FASTKD1: variants seen among roughly 807,000 people sequenced by gnomAD.
FASTKD1 encodes FAST kinase domains 1.
In FASTKD1, 94 loss-of-function variants were observed where a neutral mutation model predicts 90.9. The observed-to-expected ratio is 1.03, with a 90% confidence interval of 0.88 to 1.23. FASTKD1 has a LOEUF of 1.23. FASTKD1 is among the 50% of genes most tolerant of loss of function. The pLI is 0.00. For synonymous variants in FASTKD1, 319 were observed against 345.8 expected (o/e 0.92, Z 0.86); for missense variants, 945 against 993.5 (o/e 0.95, Z 0.66).
chr2:169,530,495 G>T, intron 14 of FASTKD1, 92 bp downstream of exon 14: 1 of 706,906 alleles, frequency 1.4e-6, no homozygotes, highest in Non-Finnish European at 2.4e-6. Context: ...TATTTAAAAA[G>T]GTAATTCTGG....
chr2:169,537,754 A>T (rs1320521814), intron 11 of FASTKD1, among the ~76,000 whole-genome samples: 1 of 152,156 alleles, frequency 6.6e-6, no homozygotes, highest in Admixed American at 6.5e-5. Flanking sequence ...TAATTTCAAT[A>T]AGAGCTTCAA....
At chr2:169,565,249 C>CTT (rs71003101) in intron 3 of FASTKD1, among the ~76,000 whole-genome samples, 1,216 of 26,564 alleles carry the variant, frequency 0.046, 433 homozygotes, top group Non-Finnish European at 0.072. Flanking sequence ...CCACACCAGG[C>CTT]TTTTTTTTTT....
intron 12 of FASTKD1, among the ~76,000 whole-genome samples, chr2:169,535,061 T>C (rs1050477011): frequency 4.4e-4 from 67 of 152,226 alleles, no homozygotes; most frequent in African/African-American, 1.6e-3. Context: ...TCTCACTATA[T>C]TGCCCAGGCT....
chr2:169,531,947 A>T (rs938384297), intron 12 of FASTKD1, among the ~76,000 whole-genome samples: 3 of 152,232 alleles, frequency 2.0e-5, no homozygotes, highest in Non-Finnish European at 2.9e-5. Context: ...CAGCTAATAA[A>T]TGTAGAAGGC....
intron 7 of FASTKD1, among the ~76,000 whole-genome samples, chr2:169,549,685 T>G (rs1338409955): frequency 1.3e-5 from 2 of 152,142 alleles, no homozygotes; most frequent in Non-Finnish European, 2.9e-5. Flanking sequence ...CAGGCTGGTC[T>G]TGAACTCCTG....
intron 9 of FASTKD1, among the ~76,000 whole-genome samples, chr2:169,543,394 C>T (rs1293877887): frequency 2.0e-5 from 3 of 151,916 alleles, no homozygotes; most frequent in Admixed American, 6.6e-5. Context: ...ACCTGGGAGG[C>T]GGAGGTTGCA....
intron 9 of FASTKD1, among the ~76,000 whole-genome samples, chr2:169,540,910 A>G (rs1002453135): frequency 3.3e-5 from 5 of 152,230 alleles, no homozygotes; most frequent in Admixed American, 2.0e-4. Flanking sequence ...AGCATGGCAG[A>G]TGCCCCACAG....
chr2:169,536,191 C>A lies in FASTKD1; in HGVS notation c.2188+1036G>T, dbSNP rs369900686. On this transcript the variant is annotated intron_variant, in intron 12 of 14. Transcript: ENST00000453153. ...GTGTTAAATGCTTTACATGCAATAT[C>A]TCAGTTAATCCTATCAAGTAGGCAT... Among the ~76,000 whole-genome samples, 19 of 152,270 alleles carry A rather than the reference C, an allele frequency of 1.2e-4. No individual in the cohort carries two copies. In the East Asian group the frequency reaches 3.7e-3, roughly 29 times the overall value.
chr2:169,562,577 G>A (rs1310941587), intron 4 of FASTKD1, among the ~76,000 whole-genome samples: 3 of 152,024 alleles, frequency 2.0e-5, no homozygotes, highest in Non-Finnish European at 2.9e-5. Flanking sequence ...TTTACTTCAT[G>A]ATATAATAAT....
chr2:169,530,094 T>C (rs553321061), intron 14 of FASTKD1, among the ~76,000 whole-genome samples, 168 bp from the exon 15 acceptor site: 2 of 152,244 alleles, frequency 1.3e-5, no homozygotes, highest in East Asian at 3.9e-4. Flanking sequence ...CTTCTGACAT[T>C]GCCTAGAATA....
At chr2:169,536,723 A>T (rs1315900976) in intron 12 of FASTKD1, among the ~76,000 whole-genome samples, 1 of 152,220 alleles carries the variant, frequency 6.6e-6, no homozygotes, top group African/African-American at 2.4e-5. Flanking sequence ...TATGTGATCC[A>T]CAATTCAATC....
In FASTKD1 at chr2:169,528,756, T is replaced by A. The variant is rs189955141; in HGVS notation, c.*1069A>T. 6.6e-6 allele frequency among the ~76,000 whole-genome samples: 1 copy of A among 152,156 alleles called. No homozygotes were observed. The highest frequency in any genetic ancestry group is 2.4e-5 in the African/African-American group (1 of 41,426). ...TTCATGTTGCTAAATTTAATAGCCA[T>A]TTCCCATTTGTCATCTTTCCTGACC... On this transcript the variant is annotated 3_prime_UTR_variant, in exon 15 of 15. Transcript: ENST00000453153.
In FASTKD1 at chr2:169,529,429, T is replaced by C. The variant is rs1684383263; in HGVS notation, c.*396A>G. 6.6e-6 allele frequency among the ~76,000 whole-genome samples: 1 copy of C among 152,248 alleles called. No individual in the cohort carries two copies. The highest frequency in any genetic ancestry group is 2.4e-5 in the African/African-American group (1 of 41,468). On this transcript the variant is annotated 3_prime_UTR_variant, in exon 15 of 15. Coordinates refer to ENST00000453153, the MANE Select transcript of FASTKD1 (RefSeq NM_024622.6). ...ACTCTCTCCAAGCCACCATCCATTG[T>C]TGTCTGGATTATTGCAATGACCTCG...
chr2:169,537,235 T>A lies in FASTKD1; in HGVS notation c.2180A>T (p.His727Leu), dbSNP rs1559139480. The A allele has an allele frequency of 2.5e-6, 4 of 1,593,034 alleles. No individual in the cohort carries two copies. Among genetic ancestry groups the A allele is most frequent in the African/African-American group, 1.3e-5 (1 of 74,634 alleles). Residue 727 changes from histidine to leucine, a missense_variant, in exon 12 of 15, where the codon CAC (histidine) becomes CTC (leucine). Physicochemically the swap from His to Leu is moderately conservative, Grantham distance 99. Coordinates refer to ENST00000453153, the MANE Select transcript of FASTKD1 (RefSeq NM_024622.6). ...CCTACCCAATAACTTACCTACTTTGTGGTAATAAGGCGTAAGAACCGAGGC... is the reference window on the plus strand; with the variant it reads ...CCTACCCAATAACTTACCTACTTTGAGGTAATAAGGCGTAAGAACCGAGGC... The part of the protein sequence containing the change: ...VKASVLTPYY[H>L]KVDFECILDK...
Position 169,538,126 on chromosome 2 carries a change from C to G in FASTKD1, c.1961G>C (p.Arg654Pro). The change falls in exon 11 of 15, where the codon CGA becomes CCA. Residue 654 changes from arginine to proline, a missense_variant. Coordinates refer to ENST00000453153, the MANE Select transcript of FASTKD1 (RefSeq NM_024622.6). ...AAGATGAAACTGGACTCTTGCACTT[C>G]GAGATGGAGATAAAACTGAAATTAA... Reference protein sequence around the residue: ...DSQLEILSPSRSARVQFHLME... With the variant: ...DSQLEILSPSPSARVQFHLME... 4 of 1,601,464 alleles carry G rather than the reference C, an allele frequency of 2.5e-6. No homozygotes were observed. The highest frequency in any genetic ancestry group is 3.4e-6 in the Non-Finnish European group (4 of 1,176,032).
At position 169,560,580 on chromosome 2, in the gene FASTKD1, C is replaced by T. The variant is rs186689158; in HGVS notation, c.778G>A (p.Val260Met). 3 of 1,606,854 alleles carry T rather than the reference C, an allele frequency of 1.9e-6. 1 individual carries two copies. The highest frequency in any genetic ancestry group is 3.4e-5 in the Admixed American group (2 of 58,420). Residue 260 changes from valine (V) to methionine (M), a missense_variant, in exon 5 of 15, where the codon GTG becomes ATG. Coordinates refer to ENST00000453153, the MANE Select transcript of FASTKD1 (RefSeq NM_024622.6). ...ATGGAATCCAAATCAAGGTGGTCCA[C>T]ATTACTTAAAAATACGTTATTACAT... is the stretch of plus-strand genomic sequence containing the variant. ...ERCNNVFLSN[V>M]DHLDLDSISK...
chr2:169,542,158 G>T (rs1218720138), intron 9 of FASTKD1, among the ~76,000 whole-genome samples: 1 of 152,114 alleles, frequency 6.6e-6, no homozygotes, highest in Non-Finnish European at 1.5e-5. Context: ...TGACCTTAGA[G>T]CCTTGTTTAT....
chr2:169,546,197 T>C (rs2290009), intron 8 of FASTKD1, 21 bp downstream of exon 8: 51,869 of 1,519,316 alleles, frequency 0.034, 1,248 homozygotes, highest in East Asian at 0.15. Flanking sequence ...ATAAAATTAA[T>C]GTCTACCATT....
At chr2:169,552,090 C>G (rs537038256) in intron 7 of FASTKD1, among the ~76,000 whole-genome samples, 5 of 152,270 alleles carry the variant, frequency 3.3e-5, no homozygotes, top group Admixed American at 2.0e-4. Flanking sequence ...ATATCTACTT[C>G]AGATTATCTG....
Sources: gnomAD v4.1 joint callset for allele counts (sites outside exome capture counted in the v4.1 genomes callset) on GRCh38, gnomAD v4.1.1 for gene constraint, MANE v1.5 for transcripts, NCBI Gene and HGNC (gene_info 2026-07-23, HGNC 2026-07-21) for gene names.